The following ABHD2 variants were observed in gnomAD, a reference collection of about 807,000 sequenced individuals.
ABHD2 encodes the protein monoacylglycerol lipase ABHD2.
In ABHD2, 20 loss-of-function variants were observed where a neutral mutation model predicts 48.1. The ratio of observed to expected loss-of-function variants is 0.42; its 90% CI spans 0.29 to 0.60. The LOEUF is 0.60. Among genes scored for constraint, ABHD2 ranks in the 20% least tolerant of loss-of-function variants. The pLI, the probability that ABHD2 is intolerant of heterozygous loss-of-function variation, is 0.24. For missense variants in ABHD2, 405 were observed against 550.9 expected (o/e 0.74, Z 2.65); for synonymous variants, 209 against 214.2 (o/e 0.98, Z 0.21).
intron 1 of ABHD2, among the ~76,000 whole-genome samples, chr15:89,109,523 G>GT (rs773870768): frequency 6.6e-6 from 1 of 151,928 alleles, no homozygotes; most frequent in Non-Finnish European, 1.5e-5. Context: ...CCCTCCAGCT[G>GT]TTCTCTGTGA....
the ABHD2 span, among the ~76,000 whole-genome samples, chr15:89,068,216 ACACACAAACTCTGTGTG>A: frequency 6.6e-6 from 1 of 151,790 alleles, no homozygotes; most frequent in African/African-American, 2.4e-5. Context: ...ACACACACAC[ACACACAAACTCTGTGTG>A]TGTGCATGTA....
intron 3 of ABHD2, among the ~76,000 whole-genome samples, chr15:89,138,208 T>G (rs1211492257): frequency 6.6e-6 from 1 of 152,242 alleles, no homozygotes; most frequent in East Asian, 1.9e-4. Flanking sequence ...TCCTTACCTT[T>G]CCTGTGTGCA....
chr15:89,152,488 AAC>A (rs1389336604), intron 4 of ABHD2, among the ~76,000 whole-genome samples: 1 of 152,200 alleles, frequency 6.6e-6, no homozygotes, highest in Non-Finnish European at 1.5e-5. Context: ...TGATGACAGC[AAC>A]AGAGGCCAGA....
chr15:89,131,004 C>G (rs531812245), intron 3 of ABHD2, among the ~76,000 whole-genome samples: 5 of 152,330 alleles, frequency 3.3e-5, no homozygotes, highest in African/African-American at 1.2e-4. Flanking sequence ...CACTCCATCT[C>G]TCCTTCAGTG....
intron 5 of ABHD2, among the ~76,000 whole-genome samples, chr15:89,162,615 C>T (rs913360895): frequency 6.6e-6 from 1 of 152,130 alleles, no homozygotes; most frequent in African/African-American, 2.4e-5. Flanking sequence ...CTTGGCTTCT[C>T]TTTGTCACTC....
rs1390253468 is a variant in ABHD2 at position 89,198,152 on chromosome 15, G to T, written c.*2729G>T. 1 of 152,110 alleles carries T rather than the reference G, an allele frequency of 6.6e-6. No homozygotes were observed. The highest frequency in any genetic ancestry group is 6.5e-5 in the Admixed American group (1 of 15,272). The allele number at this position is 152,110 out of a possible 1,614,324, so 9.4% of individuals were successfully genotyped here. ...TATGAATCCCCCTCTTGCTAGTAAG[G>T]TTCTATTTGGGCTAAAACAAGGCTG... On this transcript the variant is annotated 3_prime_UTR_variant, in exon 11 of 11. Coordinates refer to ENST00000352732, the MANE Select transcript of ABHD2 (RefSeq NM_152924.5). This position sits in a 1 kb window ranked among gnomAD's most constrained non-coding sequence, Gnocchi z 5.1.
chr15:89,116,657 CA>C lies in ABHD2; in HGVS notation c.194+137del. ...GACGTCACTGGTGTTAAAATAGCCA[CA>C]GTCTGATTGCAGTCTAGTGTTTGAA... On this transcript the variant is annotated intron_variant, in intron 3 of 10. Transcript: ENST00000352732. This position sits in a 1 kb window ranked among gnomAD's most constrained non-coding sequence, Gnocchi z 4.6. The C allele has an allele frequency of 1.1e-6, 1 of 912,642 alleles. No individual in the cohort carries two copies. The allele number at this position is 912,642 out of a possible 1,614,324, so 56.5% of individuals were successfully genotyped here.
chr15:89,081,276 T>C, the ABHD2 span, among the ~76,000 whole-genome samples: 1 of 148,152 alleles, frequency 6.7e-6, no homozygotes, highest in East Asian at 2.1e-4. Context: ...TGCCTCTGCC[T>C]CCCAAAATGC....
the ABHD2 span, among the ~76,000 whole-genome samples, chr15:89,081,418 T>G: frequency 1.3e-5 from 2 of 152,108 alleles, no homozygotes. Context: ...TGTTTCCCCC[T>G]TTTGGCCATT....
Position 89,158,703 on chromosome 15 carries a change from T to TTTTTG in ABHD2, c.538+3189_538+3193dup, listed in dbSNP as rs766623321. On this transcript the variant is annotated intron_variant, in intron 5 of 10. Transcript: ENST00000352732. ...CATTTATTGTATGTTAGGTTCATTC[T>TTTTTG]TTTTGTTTTGTTTTGTTTTGTTTTT... 2.8e-4 allele frequency among the ~76,000 whole-genome samples: 43 copies of TTTTTG among 152,168 alleles called. 1 individual carries two copies. Among genetic ancestry groups the TTTTTG allele is most frequent in the Non-Finnish European group, 2.9e-4 (20 of 68,026 alleles).
chr15:89,055,831 A>T, the ABHD2 span, among the ~76,000 whole-genome samples: 2 of 152,128 alleles, frequency 1.3e-5, no homozygotes, highest in African/African-American at 4.8e-5. Flanking sequence ...CTAAGGGAAA[A>T]TGTAGTTTAC....
Position 89,188,344 on chromosome 15 carries a change from G to C in ABHD2, c.926+41G>C, listed in dbSNP as rs767644116. 6.3e-7 allele frequency: 1 copy of C among 1,585,140 alleles called. No homozygotes were observed. The highest frequency in any genetic ancestry group is 1.1e-5 in the South Asian group (1 of 90,328). On this transcript the variant is annotated intron_variant, in intron 8 of 10. Transcript: ENST00000352732. The surrounding 1 kb of genome is among the most constrained non-coding windows in gnomAD (Gnocchi z 4.1). ...CGGGAGAGGGACGCTCTGGGGCAGG[G>C]TGCCAGGCAGGAGGCTGCAGGTCAG...
the ABHD2 span, among the ~76,000 whole-genome samples, chr15:89,055,154 C>T: frequency 2.6e-5 from 4 of 152,058 alleles, no homozygotes; most frequent in South Asian, 2.1e-4. Flanking sequence ...GCCATGATTG[C>T]GCCACTGTAC....
intron 3 of ABHD2, among the ~76,000 whole-genome samples, chr15:89,118,328 C>A (rs938458841): frequency 6.6e-6 from 1 of 152,008 alleles, no homozygotes; most frequent in Non-Finnish European, 1.5e-5. Flanking sequence ...GGACTACGTG[C>A]CACCACGCCC....
At chr15:89,136,818 C>T (rs2050321750) in intron 3 of ABHD2, among the ~76,000 whole-genome samples, 1 of 152,222 alleles carries the variant, frequency 6.6e-6, no homozygotes, top group African/African-American at 2.4e-5. Context: ...ATAACGCTGG[C>T]ACAGATTTTG....
rs1297128632 is a variant in ABHD2, at chr15:89,097,661, A to G, written c.-107+9098A>G. Among the ~76,000 whole-genome samples the G allele has an allele frequency of 1.3e-5, 2 of 152,216 alleles. No individual in the cohort carries two copies. The highest frequency in any genetic ancestry group is 2.9e-5 in the Non-Finnish European group (2 of 68,034). On this transcript the variant is annotated intron_variant, in intron 1 of 10. Transcript: ENST00000352732. The surrounding 1 kb of genome is among the most constrained non-coding windows in gnomAD (Gnocchi z 4.2). ...TTGACAGATAACGCATTCATGTGTT[A>G]TAACATTCAAAAGGTACAACATAGT...
chr15:89,125,732 G>A (rs2050121217), intron 3 of ABHD2, among the ~76,000 whole-genome samples: 1 of 152,158 alleles, frequency 6.6e-6, no homozygotes, highest in African/African-American at 2.4e-5. Flanking sequence ...TGCCTGCCCT[G>A]TCTCTGCTGT....
chr15:89,122,422 TGAAC>T (rs534279804), intron 3 of ABHD2, among the ~76,000 whole-genome samples: 2 of 152,230 alleles, frequency 1.3e-5, no homozygotes, highest in Non-Finnish European at 2.9e-5. Flanking sequence ...CAGGTGTAAG[TGAAC>T]GATGTTCTCA....
At chr15:89,181,219 ACT>A (rs1387453420) in intron 6 of ABHD2, among the ~76,000 whole-genome samples, 2 of 93,116 alleles carry the variant, frequency 2.1e-5, no homozygotes, top group African/African-American at 1.0e-4. Context: ...ACAGAGCGAG[ACT>A]CTGTCTCAAA....
Sources: gnomAD v4.1 joint callset for allele counts (sites outside exome capture counted in the v4.1 genomes callset) on GRCh38, gnomAD v4.1.1 for gene constraint, Gnocchi (gnomAD v3.1) non-coding constraint, MANE v1.5 for transcripts, NCBI Gene and HGNC (gene_info 2026-07-23, HGNC 2026-07-21) for gene names.